The following DNAH12 variants were observed in gnomAD, a reference collection of about 807,000 sequenced individuals.
The protein encoded by DNAH12 is dynein axonemal heavy chain 12.
In DNAH12, 285 loss-of-function variants were observed where a neutral mutation model predicts 371.5. The ratio of observed to expected loss-of-function variants is 0.77; its 90% CI spans 0.70 to 0.85. The LOEUF (loss-of-function observed/expected upper bound fraction) is 0.85, where lower values mean the gene tolerates loss of function less well. DNAH12 is among the 40% of genes least tolerant of loss of function. The pLI is 0.00. For synonymous variants in DNAH12, 1,200 were observed against 1,213.0 expected, an observed-to-expected ratio of 0.99 and a Z score of 0.22; for missense variants, 3,611 against 3,689.4, an observed-to-expected ratio of 0.98 and a Z score of 0.55.
At chr3:57,529,285 A>G (rs971560839) in intron 2 of DNAH12, among the ~76,000 whole-genome samples, 1 of 151,826 alleles carries the variant, frequency 6.6e-6, no homozygotes, top group African/African-American at 2.4e-5. Context: ...CTCCTCCTCT[A>G]TTTTTCAGAC....
At chr3:57,531,897 T>C (rs2068862511) in intron 2 of DNAH12, among the ~76,000 whole-genome samples, 1 of 152,126 alleles carries the variant, frequency 6.6e-6, no homozygotes, top group Admixed American at 6.6e-5. Context: ...GGAAGTTCTC[T>C]GATATTATCT....
chr3:57,446,753 G>A, intron 25 of DNAH12, 64 bp from the exon 26 acceptor site: 2 of 1,362,812 alleles, frequency 1.5e-6, no homozygotes, highest in Non-Finnish European at 1.9e-6. Context: ...ACAGACACTT[G>A]TTTACCAAAT....
At position 57,471,590 on chromosome 3, in the gene DNAH12, T is replaced by C; in HGVS notation, c.1793A>G (p.Lys598Arg). The stretch of plus-strand genomic sequence containing the variant: ...CATTAGTTCATTTTCTTTTTTATGT[T>C]TAGCATTCTCAATTAGCTTTTTAAA... Reference protein sequence around the residue: ...DENDELIENAKHKKENELMAK... With the variant: ...DENDELIENARHKKENELMAK... The change falls in exon 15 of 74, where the codon AAA becomes AGA. Residue 598 changes from lysine to arginine, a missense_variant. Physicochemically the swap from Lys to Arg is conservative, Grantham distance 26. This residue lies in a region of DNAH12 where 1,314 missense variants were observed against 1,398.7 expected (regional missense o/e 0.94). Transcript: ENST00000495027. The C allele has an allele frequency of 6.5e-7, 1 of 1,539,932 alleles. No homozygotes were observed. Among genetic ancestry groups the C allele is most frequent in the Non-Finnish European group, 8.7e-7 (1 of 1,143,946 alleles).
rs1190833455 is a variant in DNAH12, at chr3:57,391,930, C to G, written c.7247G>C (p.Arg2416Pro). ...GGATGGGAACTGTCTCAAGCGATTT[C>G]GAAAGGCATCTCCAATGGGGCTAAA... is the stretch of plus-strand genomic sequence containing the variant. ...VAFSPIGDAF[R>P]NRLRQFPSLI... The change falls in exon 45 of 74, where the codon CGA becomes CCA. Residue 2416 changes from arginine (R) to proline (P), a missense_variant. Physicochemically the swap from Arg to Pro is moderately radical, Grantham distance 103. Transcript: ENST00000495027. 2.0e-5 allele frequency: 3 copies of G among 152,824 alleles called. No individual in the cohort carries two copies. In the South Asian group the frequency reaches 6.2e-4, roughly 31 times the overall value. 9.5% of individuals were successfully genotyped at this position (152,824 alleles called of 1,614,324 possible).
rs2061830733 is a variant in DNAH12 at position 57,322,503 on chromosome 3, G to A, written c.10384-20C>T. ...TGGGAACTAAGACAAAATAAATGGA[G>A]AGCATTATACAAGATAGCAAGTGGA... On this transcript the variant is annotated intron_variant, in intron 64 of 73. Coordinates refer to ENST00000495027, the MANE Select transcript of DNAH12 (RefSeq NM_001366028.2). 6 of 1,549,120 alleles carry A rather than the reference G, an allele frequency of 3.9e-6. No individual in the cohort carries two copies. The highest frequency in any genetic ancestry group is 5.2e-6 in the Non-Finnish European group (6 of 1,145,900).
At chr3:57,434,824 G>C (rs937481993) in intron 30 of DNAH12, among the ~76,000 whole-genome samples, 1 of 149,684 alleles carries the variant, frequency 6.7e-6, no homozygotes, top group South Asian at 2.2e-4. Flanking sequence ...TATAATGACA[G>C]GTACTGGTTT....
chr3:57,523,910 C>G (rs1030882647), intron 2 of DNAH12, 26 bp from the exon 3 acceptor site: 9 of 1,497,836 alleles, frequency 6.0e-6, no homozygotes, highest in Middle Eastern at 1.7e-4. Context: ...AGAAATATGA[C>G]TCTCTTGATA....
At position 57,445,407 on chromosome 3, in the gene DNAH12, T is replaced by G. The variant is rs1244619247; in HGVS notation, c.4192A>C (p.Thr1398Pro). Reference protein sequence around the residue: ...LPDNLKVLFRTVAMMVPNYAL... With the variant: ...LPDNLKVLFRPVAMMVPNYAL... ...TAGTTTGGAACCATCATAGCCACTG[T>G]TCTAAAAAGAACCTGAAGTATAAAA... Residue 1398 changes from threonine to proline, a missense_variant, in exon 28 of 74, where the codon ACA becomes CCA. Thr to Pro is a conservative substitution (Grantham distance 38, BLOSUM62 -1). Transcript: ENST00000495027. 73 of 1,521,486 alleles carry G rather than the reference T, an allele frequency of 4.8e-5. No individual in the cohort carries two copies. Among genetic ancestry groups the G allele is most frequent in the Non-Finnish European group, 5.6e-5 (64 of 1,137,388 alleles). The allele number at this position is 1,521,486 out of a possible 1,614,324, so 94.2% of individuals were successfully genotyped here.
At chr3:57,399,648 T>C (rs1454163552) in intron 43 of DNAH12, among the ~76,000 whole-genome samples, 1 of 152,192 alleles carries the variant, frequency 6.6e-6, no homozygotes, top group Non-Finnish European at 1.5e-5. Flanking sequence ...AACACAGGTT[T>C]GAACTATGTG....
chr3:57,338,055 G>A (rs1483497265), intron 60 of DNAH12, among the ~76,000 whole-genome samples: 1 of 152,178 alleles, frequency 6.6e-6, no homozygotes, highest in Non-Finnish European at 1.5e-5. Flanking sequence ...CTCTGTTGCT[G>A]AGGCTGGACT....
chr3:57,353,404 C>T (rs2062727796), intron 59 of DNAH12, among the ~76,000 whole-genome samples: 1 of 152,082 alleles, frequency 6.6e-6, no homozygotes, highest in Non-Finnish European at 1.5e-5. Flanking sequence ...GTAATCTTCC[C>T]ATCTCAGCCT....
intron 12 of DNAH12, among the ~76,000 whole-genome samples, chr3:57,487,566 G>C (rs1452866938): frequency 6.6e-6 from 1 of 152,084 alleles, no homozygotes; most frequent in Non-Finnish European, 1.5e-5. Flanking sequence ...AATGATGAGA[G>C]CAAGATGGCC....
intron 73 of DNAH12, among the ~76,000 whole-genome samples, chr3:57,294,630 G>A (rs1253227706): frequency 6.6e-6 from 1 of 152,206 alleles, no homozygotes; most frequent in Non-Finnish European, 1.5e-5. Context: ...AGTATAGGTA[G>A]TGGGGGAGAC....
At chr3:57,396,286 A>AAAC (rs2063735676) in intron 43 of DNAH12, among the ~76,000 whole-genome samples, 6 of 72,320 alleles carry the variant, frequency 8.3e-5, no homozygotes, top group African/African-American at 4.2e-4. Context: ...CTCAAAAAAA[A>AAAC]AAACAAAAAA....
intron 39 of DNAH12, among the ~76,000 whole-genome samples, chr3:57,409,860 T>A (rs2153354886): frequency 6.6e-6 from 1 of 152,238 alleles, no homozygotes; most frequent in East Asian, 1.9e-4. Context: ...AAACTAACCA[T>A]ATCACCATAA....
intron 58 of DNAH12, among the ~76,000 whole-genome samples, chr3:57,361,281 G>A (rs1328960201): frequency 4.6e-5 from 7 of 151,530 alleles, no homozygotes; most frequent in Admixed American, 4.6e-4. Flanking sequence ...ACCCGGAGGT[G>A]GATGTTGGAG....
At chr3:57,529,061 C>T (rs1295905866) in intron 2 of DNAH12, among the ~76,000 whole-genome samples, 1 of 151,994 alleles carries the variant, frequency 6.6e-6, no homozygotes, top group Admixed American at 6.6e-5. Flanking sequence ...CAGCCTCCCA[C>T]AGTGCTGGGA....
intron 69 of DNAH12, among the ~76,000 whole-genome samples, chr3:57,302,486 T>C (rs1187965468): frequency 2.2e-5 from 3 of 136,366 alleles, no homozygotes; most frequent in Non-Finnish European, 4.6e-5. Flanking sequence ...TACATAAATA[T>C]AACTTTTGTA....
chr3:57,540,884 C>T (rs949445740), intron 2 of DNAH12, among the ~76,000 whole-genome samples: 1 of 151,324 alleles, frequency 6.6e-6, no homozygotes, highest in Non-Finnish European at 1.5e-5. Context: ...GAGCTGAGAT[C>T]GTGCCACTAT....
Sources: gnomAD v4.1 joint callset for allele counts (sites outside exome capture counted in the v4.1 genomes callset) on GRCh38, gnomAD v4.1.1 for gene constraint, gnomAD v4.1.1 regional missense constraint, MANE v1.5 for transcripts, NCBI Gene and HGNC (gene_info 2026-07-23, HGNC 2026-07-21) for gene names.